CRTC3: variants seen among roughly 807,000 people sequenced by gnomAD.
The protein encoded by CRTC3 is CREB-regulated transcription coactivator 3.
CRTC3 carries 26 observed loss-of-function variants against 74.5 expected under a neutral mutation model. That is an observed-to-expected ratio of 0.35 (90% CI 0.26 to 0.48). The LOEUF (loss-of-function observed/expected upper bound fraction) is 0.48, where lower values mean the gene tolerates loss of function less well. CRTC3 is among the 20% of genes least tolerant of loss of function. The probability of loss-of-function intolerance (pLI) is 0.99; values close to 1 mark genes in which losing one functional copy is unlikely to be tolerated. For missense variants in CRTC3, 760 were observed against 787.3 expected, an observed-to-expected ratio of 0.97 and a Z score of 0.41; for synonymous variants, 377 against 325.8, an observed-to-expected ratio of 1.16 and a Z score of -1.69.
At chr15:90,583,448 C>G (rs998412427) in intron 2 of CRTC3, among the ~76,000 whole-genome samples, 1 of 152,116 alleles carries the variant, frequency 6.6e-6, no homozygotes, top group African/African-American at 2.4e-5. Flanking sequence ...TCTTTTCATG[C>G]CTCACAGCAA....
rs538691167 is a variant in CRTC3, at chr15:90,643,011, C to A, written c.*871C>A. 8.6e-6 allele frequency: 2 copies of A among 232,584 alleles called. No individual in the cohort carries two copies. The highest frequency in any genetic ancestry group is 1.1e-4 in the Admixed American group (2 of 17,784). The allele number at this position is 232,584 out of a possible 1,614,324, so 14.4% of individuals were successfully genotyped here. A position where few individuals can be genotyped will look rare whatever the true frequency, so the allele number is the denominator to read the frequency against. On this transcript the variant is annotated 3_prime_UTR_variant, in exon 15 of 15. Coordinates refer to ENST00000268184, the MANE Select transcript of CRTC3 (RefSeq NM_022769.5). ...CCAGAGGGAGCTGGTGAGGCCCTAA[C>A]CCCACCCACCGAGCAACTGAGCTTC...
intron 2 of CRTC3, among the ~76,000 whole-genome samples, 157 bp from the exon 3 acceptor site, chr15:90,593,479 C>T (rs979617568): frequency 6.6e-6 from 1 of 152,160 alleles, no homozygotes; most frequent in Non-Finnish European, 1.5e-5. Flanking sequence ...GAAATAGTTC[C>T]ATATACTACT....
At chr15:90,592,471 T>A (rs1485299288) in intron 2 of CRTC3, among the ~76,000 whole-genome samples, 1 of 152,192 alleles carries the variant, frequency 6.6e-6, no homozygotes, top group Admixed American at 6.5e-5. Context: ...TTATGTGAGA[T>A]TTATTGGCCC....
intron 2 of CRTC3, among the ~76,000 whole-genome samples, chr15:90,571,602 C>G (rs1056595561): frequency 6.6e-6 from 1 of 152,152 alleles, no homozygotes; most frequent in Non-Finnish European, 1.5e-5. Context: ...TATTCATTTG[C>G]TTGCCTGCTT....
chr15:90,554,557 C>T (rs1282286176), intron 2 of CRTC3, among the ~76,000 whole-genome samples: 2 of 152,204 alleles, frequency 1.3e-5, no homozygotes, highest in Non-Finnish European at 2.9e-5. Flanking sequence ...TGCTGTAATT[C>T]CTTCTGCCAT....
chr15:90,548,618 A>G (rs1966848734), intron 2 of CRTC3, among the ~76,000 whole-genome samples: 1 of 152,254 alleles, frequency 6.6e-6, no homozygotes, highest in African/African-American at 2.4e-5. Context: ...CATCAGTTAA[A>G]CAAAAGAAAA....
At chr15:90,605,713 AAGCCACGTGGCTTCAT>A (rs1350426868) in intron 5 of CRTC3, among the ~76,000 whole-genome samples, 1 of 152,080 alleles carries the variant, frequency 6.6e-6, no homozygotes, top group Non-Finnish European at 1.5e-5. Flanking sequence ...CCCTCCTCTG[AAGCCACGTGGCTTCAT>A]AGCCACCTGA....
At chr15:90,585,360 G>C (rs1031833037) in intron 2 of CRTC3, among the ~76,000 whole-genome samples, 1 of 152,132 alleles carries the variant, frequency 6.6e-6, no homozygotes, top group Non-Finnish European at 1.5e-5. Flanking sequence ...GCCCAGGCTG[G>C]TCTCGAACTC....
At chr15:90,589,848 G>T (rs1435377171) in intron 2 of CRTC3, among the ~76,000 whole-genome samples, 1 of 151,900 alleles carries the variant, frequency 6.6e-6, no homozygotes, top group African/African-American at 2.4e-5. Context: ...TTGGCCGGGT[G>T]TCGTGGCTTG....
chr15:90,543,071 C>A (rs557581447), intron 2 of CRTC3, among the ~76,000 whole-genome samples: 1 of 146,668 alleles, frequency 6.8e-6, no homozygotes, highest in Non-Finnish European at 1.5e-5. Context: ...CTGAGGCAGG[C>A]AGATCGCTTG....
chr15:90,614,489 G>A lies in CRTC3; in HGVS notation c.613+1G>A. ...GGTGAGAATAATGGACATGGGGAAG[G>A]TATGAACTGATTTTACCTACCTATA... On this transcript the variant is annotated splice_donor_variant, in intron 7 of 14. Coordinates refer to ENST00000268184, the MANE Select transcript of CRTC3 (RefSeq NM_022769.5). LOFTEE classifies it high-confidence loss of function. 1 of 1,605,290 alleles carries A rather than the reference G, an allele frequency of 6.2e-7. No individual in the cohort carries two copies. Among genetic ancestry groups the A allele is most frequent in the South Asian group, 1.1e-5 (1 of 90,714 alleles).
rs201680798 is a variant in CRTC3 at position 90,567,691 on chromosome 15, A to T, written c.232-25945A>T. Among the ~76,000 whole-genome samples the T allele has an allele frequency of 1.9e-3, 274 of 145,680 alleles. 1 individual carries two copies. Among genetic ancestry groups the T allele is most frequent in the African/African-American group, 6.6e-3 (264 of 39,924 alleles). Reference sequence around the variant, plus strand: ...CAACAAGAGTGAAACTCCGTCTCAAAAAATAAATAAATAAATAAATAAATA... The same window carrying T: ...CAACAAGAGTGAAACTCCGTCTCAATAAATAAATAAATAAATAAATAAATA... On this transcript the variant is annotated intron_variant, in intron 2 of 14. Coordinates refer to ENST00000268184, the MANE Select transcript of CRTC3 (RefSeq NM_022769.5).
chr15:90,551,931 C>T (rs911781331), intron 2 of CRTC3, among the ~76,000 whole-genome samples: 3 of 6,926 alleles, frequency 4.3e-4, no homozygotes, highest in Non-Finnish European at 1.1e-3. Flanking sequence ...TACACACACG[C>T]ACACACACAC....
At chr15:90,544,184 G>T (rs1461621500) in intron 2 of CRTC3, among the ~76,000 whole-genome samples, 1 of 152,104 alleles carries the variant, frequency 6.6e-6, no homozygotes, top group Non-Finnish European at 1.5e-5. Context: ...AGCTTCCGTG[G>T]TCTGCGGCAG....
At chr15:90,579,919 G>T (rs1384228532) in intron 2 of CRTC3, among the ~76,000 whole-genome samples, 1 of 152,060 alleles carries the variant, frequency 6.6e-6, no homozygotes, top group Non-Finnish European at 1.5e-5. Flanking sequence ...TGGGATTACA[G>T]GCATGAGCCA....
intron 2 of CRTC3, among the ~76,000 whole-genome samples, chr15:90,574,344 G>A (rs1967349342): frequency 6.6e-6 from 1 of 152,010 alleles, no homozygotes; most frequent in Admixed American, 6.6e-5. Flanking sequence ...TGGGTGTGGT[G>A]GTGCGCACCT....
At chr15:90,546,262 G>A (rs1182386679) in intron 2 of CRTC3, among the ~76,000 whole-genome samples, 2 of 152,140 alleles carry the variant, frequency 1.3e-5, no homozygotes, top group African/African-American at 2.4e-5. Context: ...TTTGCATAGG[G>A]ATGTTAAATT....
intron 2 of CRTC3, among the ~76,000 whole-genome samples, chr15:90,581,972 G>A (rs1967552415): frequency 6.6e-6 from 1 of 152,164 alleles, no homozygotes; most frequent in Admixed American, 6.5e-5. Context: ...TGCTTGGCCT[G>A]AAGTGCCTAC....
chr15:90,616,812 A>C lies in CRTC3; in HGVS notation c.614-1071A>C, dbSNP rs184237099. 4.8e-3 allele frequency among the ~76,000 whole-genome samples: 733 copies of C among 152,334 alleles called. 3 individuals are homozygous for C. The highest frequency in any genetic ancestry group is 0.017 in the African/African-American group (696 of 41,580). On this transcript the variant is annotated intron_variant, in intron 7 of 14. Coordinates refer to ENST00000268184, the MANE Select transcript of CRTC3 (RefSeq NM_022769.5). Reference sequence around the variant, plus strand: ...CCCTTTATACAGGTTGTTTCATAGCATTAAAGAGCCAACAGCCGTCCCGGC... The same window carrying C: ...CCCTTTATACAGGTTGTTTCATAGCCTTAAAGAGCCAACAGCCGTCCCGGC...
Sources: allele counts gnomAD v4.1 joint callset (sites outside exome capture counted in the v4.1 genomes callset), GRCh38; gene constraint gnomAD v4.1.1; transcripts MANE v1.5; gene names NCBI Gene and HGNC (gene_info 2026-07-23, HGNC 2026-07-21).